Variants in MAP1S observed in about 807,000 individuals in gnomAD.
MAP1S encodes the protein microtubule associated protein 1S, also known as microtubule-associated protein 1S.
A neutral mutation model predicts 60.9 loss-of-function variants in MAP1S; 27 were observed. The ratio of observed to expected loss-of-function variants is 0.44; its 90% CI spans 0.33 to 0.61. MAP1S has a LOEUF of 0.61. MAP1S is among the 20% of genes least tolerant of loss of function. The pLI is 0.03. For missense variants in MAP1S, 1,608 were observed against 1,486.6 expected (o/e 1.08, Z -1.34); for synonymous variants, 826 against 694.2 (o/e 1.19, Z -2.98).
Position 17,727,169 on chromosome 19 carries a change from T to G in MAP1S, c.1785T>G (p.Ser595Arg), listed in dbSNP as rs529752688. The G allele has an allele frequency of 2.5e-6, 4 of 1,585,800 alleles. No individual in the cohort carries two copies. Among genetic ancestry groups the G allele is most frequent in the East Asian group, 2.3e-5 (1 of 43,550 alleles). Residue 595 changes from serine to arginine, a missense_variant, in exon 5 of 7, where the codon AGT becomes AGG. This residue lies in a region of MAP1S where 1,167 missense variants were observed against 961.4 expected (regional missense o/e 1.21). Coordinates refer to ENST00000324096, the MANE Select transcript of MAP1S (RefSeq NM_018174.6). The surrounding 1 kb of genome is among the most constrained non-coding windows in gnomAD (Gnocchi z 4.1). Reference sequence around the variant, plus strand: ...GATGTGGAGAAGCCAGCCCCCCCAGTGCAGCCTGCGGCTCTCCGGCCTCCC... The same window carrying G: ...GATGTGGAGAAGCCAGCCCCCCCAGGGCAGCCTGCGGCTCTCCGGCCTCCC... ...SLRCGEASPP[S>R]AACGSPASQL...
At position 17,733,231 on chromosome 19, in the gene MAP1S, C is replaced by T. The variant is rs771329661; in HGVS notation, c.2827C>T (p.Pro943Ser). ...SSRPGVSATP[P>S]KSPVYLDLAY... ...CCGGCCCGGGGTGTCAGCCACCCCA[C>T]CCAAGTCCCCGGTCTACCTGGACCT... Residue 943 changes from proline (P) to serine (S), a missense_variant, in exon 6 of 7, where the codon CCC becomes TCC. This residue lies in a region of MAP1S where 1,167 missense variants were observed against 961.4 expected (regional missense o/e 1.21). Coordinates refer to ENST00000324096, the MANE Select transcript of MAP1S (RefSeq NM_018174.6). 6.5e-7 allele frequency: 1 copy of T among 1,549,008 alleles called. No individual in the cohort carries two copies.
Position 17,727,336 on chromosome 19 carries a change from G to T in MAP1S, c.1952G>T (p.Ser651Ile). 1 of 1,589,252 alleles carries T rather than the reference G, an allele frequency of 6.3e-7. No homozygotes were observed. Among genetic ancestry groups the T allele is most frequent in the Middle Eastern group, 1.7e-4 (1 of 5,974 alleles). The change falls in exon 5 of 7, where the codon AGC (serine) becomes ATC (isoleucine). Residue 651 changes from serine (S) to isoleucine (I), a missense_variant. By Grantham distance (142) the Ser-to-Ile change is moderately radical. Around this residue, in one of 4 missense-constraint regions of MAP1S, gnomAD observed 1,167 missense variants for 961.4 expected, o/e 1.21. Transcript: ENST00000324096. This position sits in a 1 kb window ranked among gnomAD's most constrained non-coding sequence, Gnocchi z 4.1. ...PESHRSPAEGSERLSLSPLRG... is the reference protein window; with the variant it reads ...PESHRSPAEGIERLSLSPLRG... ...TCCCACCGGAGCCCCGCAGAGGGCA[G>T]CGAGCGGCTGTCGCTGAGCCCACTG...
rs1405021193 is a variant in MAP1S at position 17,727,560 on chromosome 19, G to C, written c.2176G>C (p.Ala726Pro). The change falls in exon 5 of 7, where the codon GCG (alanine) becomes CCG (proline). Residue 726 changes from alanine to proline, a missense_variant. Coordinates refer to ENST00000324096, the MANE Select transcript of MAP1S (RefSeq NM_018174.6). The surrounding 1 kb of genome is among the most constrained non-coding windows in gnomAD (Gnocchi z 4.1). ...GAGCCTCCCGCTGCGTGGCCCCCGG[G>C]CGCGGCGCTCGGCTTCCCCACACGA... Reference protein sequence around the residue: ...GLSLPLRGPRARRSASPHDVD... With the variant: ...GLSLPLRGPRPRRSASPHDVD... The C allele has an allele frequency of 6.2e-7, 1 of 1,607,810 alleles. No homozygotes were observed. Among genetic ancestry groups the C allele is most frequent in the African/African-American group, 1.3e-5 (1 of 74,868 alleles).
chr19:17,731,741 C>T, intron 5 of MAP1S, among the ~76,000 whole-genome samples: 1 of 152,256 alleles, frequency 6.6e-6, no homozygotes, highest in East Asian at 1.9e-4. Context: ...TCTCAGCTCA[C>T]TGCAACCTCC....
At position 17,725,008 on chromosome 19, in the gene MAP1S, C is replaced by T. The variant is rs759422107; in HGVS notation, c.304-41C>T. 1.9e-6 allele frequency: 3 copies of T among 1,613,726 alleles called. No individual in the cohort carries two copies. In the Admixed American group the frequency reaches 5.0e-5, roughly 27 times the overall value. ...CCAAAGAGGACTGCTGGATACGTCA[C>T]TGCACAGAACGGGTCCTTTAGTGTT... On this transcript the variant is annotated intron_variant, in intron 3 of 6. Transcript: ENST00000324096. This position sits in a 1 kb window ranked among gnomAD's most constrained non-coding sequence, Gnocchi z 4.2.
Position 17,725,153 on chromosome 19 carries a change from G to C in MAP1S, c.408G>C (p.Ser136=), listed in dbSNP as rs73924330. 1.4e-3 allele frequency: 2,231 copies of C among 1,613,874 alleles called. 30 individuals are homozygous for C. The African/African-American group carries it at 0.026, about 19-fold the overall frequency. ...TGCTGCTACAGACAGGGGGCTTCTC[G>C]CCTCACCACTTCCTCCAGGTCCTGA... ...GELLLQTGGF[S]PHHFLQVLKD... Residue 136 remains serine (S), a synonymous_variant, in exon 4 of 7, where the codon TCG becomes TCC. Coordinates refer to ENST00000324096, the MANE Select transcript of MAP1S (RefSeq NM_018174.6). This position sits in a 1 kb window ranked among gnomAD's most constrained non-coding sequence, Gnocchi z 4.2.
In MAP1S at chr19:17,734,018, G is replaced by C. The variant is rs191206555; in HGVS notation, c.3025-255G>C. On this transcript the variant is annotated intron_variant, in intron 6 of 6. Coordinates refer to ENST00000324096, the MANE Select transcript of MAP1S (RefSeq NM_018174.6). ...TAGAGAGGGGTCTCAGGCCAAGGAA[G>C]GCCTTGCAGAGGAGGAGCTCCGTCT... Among the ~76,000 whole-genome samples, 277 of 152,298 alleles carry C rather than the reference G, an allele frequency of 1.8e-3. 1 individual carries two copies. The highest frequency in any genetic ancestry group is 3.2e-3 in the Non-Finnish European group (216 of 68,022).
Position 17,734,328 on chromosome 19 carries a change from C to A in MAP1S, c.3080C>A (p.Thr1027Lys), listed in dbSNP as rs1429154460. ...SVAMHTWYAE[T>K]HARHQALGIT... is the part of the protein sequence containing the mutation. Reference sequence around the variant, plus strand: ...GCCATGCATACGTGGTACGCAGAGACGCACGCCCGGCACCAGGCGCTGGGC... The same window carrying A: ...GCCATGCATACGTGGTACGCAGAGAAGCACGCCCGGCACCAGGCGCTGGGC... Residue 1027 changes from threonine to lysine, a missense_variant, in exon 7 of 7, where the codon ACG becomes AAG. By Grantham distance (78) the Thr-to-Lys change is moderately conservative. Coordinates refer to ENST00000324096, the MANE Select transcript of MAP1S (RefSeq NM_018174.6). The A allele has an allele frequency of 6.2e-7, 1 of 1,613,796 alleles. No homozygotes were observed. Among genetic ancestry groups the A allele is most frequent in the Admixed American group, 1.7e-5 (1 of 59,994 alleles).
Position 17,726,947 on chromosome 19 carries a change from C to T in MAP1S, c.1563C>T (p.Thr521=), listed in dbSNP as rs1280703641. ...APRKTEKEAK[T]PRELKKDPKP... ...GCAAGACTGAGAAAGAAGCCAAGAC[C>T]CCCCGGGAGTTGAAGAAAGACCCCA... is the stretch of plus-strand genomic sequence containing the variant. The change falls in exon 5 of 7, where the codon ACC becomes ACT. Residue 521 remains threonine (T), a synonymous_variant. Transcript: ENST00000324096. 2.5e-6 allele frequency: 4 copies of T among 1,572,538 alleles called. No homozygotes were observed. The South Asian group carries it at 3.5e-5, about 14-fold the overall frequency.
intron 5 of MAP1S, among the ~76,000 whole-genome samples, chr19:17,729,259 C>T (rs1599465291): frequency 6.6e-6 from 1 of 152,238 alleles, no homozygotes; most frequent in Non-Finnish European, 1.5e-5. Flanking sequence ...CTCATGGAAG[C>T]TCATTAGACA....
At chr19:17,734,119 C>T (rs1406005859) in intron 6 of MAP1S, among the ~76,000 whole-genome samples, 154 bp from the exon 7 acceptor site, 1 of 152,130 alleles carries the variant, frequency 6.6e-6, no homozygotes, top group East Asian at 1.9e-4. Context: ...CCACCCATTG[C>T]AGACCTCAAG....
intron 2 of MAP1S, among the ~76,000 whole-genome samples, chr19:17,723,691 A>G (rs1224917133): frequency 3.3e-5 from 5 of 152,022 alleles, no homozygotes; most frequent in African/African-American, 1.2e-4. Flanking sequence ...TCTACTAAAA[A>G]TACAAAAACT....
chr19:17,733,155 A>G (rs777206679), intron 5 of MAP1S, 38 bp from the exon 6 acceptor site: 1 of 1,259,302 alleles, frequency 7.9e-7, no homozygotes, highest in Non-Finnish European at 1.1e-6. Context: ...CCCCAGCCCC[A>G]GGAGCTCATC....
chr19:17,725,139 A>T lies in MAP1S; in HGVS notation c.394A>T (p.Thr132Ser). 2 of 1,614,030 alleles carry T rather than the reference A, an allele frequency of 1.2e-6. No individual in the cohort carries two copies. The highest frequency in any genetic ancestry group is 1.7e-6 in the Non-Finnish European group (2 of 1,179,992). ...LEETGELLLQ[T>S]GGFSPHHFLQ... is the part of the protein sequence containing the mutation. ...GGAGACGGGGGAGCTGCTGCTACAG[A>T]CAGGGGGCTTCTCGCCTCACCACTT... The change falls in exon 4 of 7, where the codon ACA (threonine) becomes TCA (serine). Residue 132 changes from threonine to serine, a missense_variant. By Grantham distance (58) the Thr-to-Ser change is moderately conservative. Around this residue, in one of 4 missense-constraint regions of MAP1S, gnomAD observed 320 missense variants for 393.1 expected, o/e 0.81. Coordinates refer to ENST00000324096, the MANE Select transcript of MAP1S (RefSeq NM_018174.6). The surrounding 1 kb of genome is among the most constrained non-coding windows in gnomAD (Gnocchi z 4.2).
intron 6 of MAP1S, 35 bp downstream of exon 6, chr19:17,733,463 T>C (rs774294911): frequency 6.7e-7 from 1 of 1,502,490 alleles, no homozygotes; most frequent in Non-Finnish European, 9.0e-7. Context: ...GTGGTAAGTG[T>C]AGTTAGCACA....
At position 17,725,233 on chromosome 19, in the gene MAP1S, C is replaced by A. The variant is rs1413209549; in HGVS notation, c.444+44C>A. 6.3e-7 allele frequency: 1 copy of A among 1,575,746 alleles called. No individual in the cohort carries two copies. Among genetic ancestry groups the A allele is most frequent in the South Asian group, 1.2e-5 (1 of 83,620 alleles). On this transcript the variant is annotated intron_variant, in intron 4 of 6. Transcript: ENST00000324096. The surrounding 1 kb of genome is among the most constrained non-coding windows in gnomAD (Gnocchi z 4.2). ...ATCCCCTGCTTCCCCAGCTCTGAAT[C>A]CTGACTGGGGTGTATCAGGCTGTGT...
chr19:17,726,266 C>T lies in MAP1S; in HGVS notation c.882C>T (p.Gly294=), dbSNP rs752887138. ...RVDAVLVTHP[G]ADSLPGLNSL... is the part of the protein sequence containing the mutation. The stretch of plus-strand genomic sequence containing the variant: ...ATGCCGTGCTGGTGACCCACCCTGG[C>T]GCCGACAGCCTCCCCGGCCTCAACA... Residue 294 remains glycine, a synonymous_variant, in exon 5 of 7, where the codon GGC becomes GGT. Transcript: ENST00000324096. 3.9e-5 allele frequency: 62 copies of T among 1,606,148 alleles called. No homozygotes were observed. The highest frequency in any genetic ancestry group is 8.9e-5 in the South Asian group (8 of 89,896).
Position 17,726,369 on chromosome 19 carries a change from C to T in MAP1S, c.985C>T (p.Leu329Phe), listed in dbSNP as rs1013536968. 1.9e-6 allele frequency: 3 copies of T among 1,596,842 alleles called. No homozygotes were observed. The highest frequency in any genetic ancestry group is 2.5e-6 in the Non-Finnish European group (3 of 1,177,634). ...CTCCTGGGACGACAGGCTGCGCAGG[C>T]TCATCTCCCCCAACCTGGGGGTCGT... The part of the protein sequence containing the change: ...GGSWDDRLRR[L>F]ISPNLGVVFF... The change falls in exon 5 of 7, where the codon CTC becomes TTC. Residue 329 changes from leucine (L) to phenylalanine (F), a missense_variant. By Grantham distance (22) the Leu-to-Phe change is conservative. Coordinates refer to ENST00000324096, the MANE Select transcript of MAP1S (RefSeq NM_018174.6).
At chr19:17,721,521 A>C in intron 2 of MAP1S, 1 of 206,434 alleles carries the variant, frequency 4.8e-6, no homozygotes, top group Non-Finnish European at 1.0e-5. Flanking sequence ...TACTAAGAAT[A>C]CAAAAATAAC....
Sources: gnomAD v4.1 joint callset for allele counts (sites outside exome capture counted in the v4.1 genomes callset) on GRCh38, gnomAD v4.1.1 for gene constraint, gnomAD v4.1.1 regional missense constraint, Gnocchi (gnomAD v3.1) non-coding constraint, MANE v1.5 for transcripts, NCBI Gene and HGNC (gene_info 2026-07-23, HGNC 2026-07-21) for gene names.